The following LRRTM3 variants were observed in gnomAD, a reference collection of about 807,000 sequenced individuals.
LRRTM3 encodes the protein leucine rich repeat transmembrane neuronal 3.
Under a neutral mutation model 44.7 loss-of-function variants are expected in LRRTM3, and 24 were observed. The ratio of observed to expected loss-of-function variants is 0.54; its 90% confidence interval spans 0.39 to 0.76. The LOEUF is 0.76. LRRTM3 is among the 30% of genes least tolerant of loss of function. The pLI is 0.00. For synonymous variants in LRRTM3, 277 were observed against 278.7 expected, an observed-to-expected ratio of 0.99 and a Z score of 0.06; for missense variants, 587 against 702.2, an observed-to-expected ratio of 0.84 and a Z score of 1.85.
intron 2 of LRRTM3, among the ~76,000 whole-genome samples, chr10:67,012,132 C>T (rs1331539894): frequency 6.6e-6 from 1 of 152,206 alleles, no homozygotes; most frequent in Non-Finnish European, 1.5e-5. Flanking sequence ...ACATTCTTAT[C>T]CACTGTGCAG....
At chr10:67,054,832 T>A (rs770353709) in intron 2 of LRRTM3, 1 of 152,086 alleles carries the variant, frequency 6.6e-6, no homozygotes, top group African/African-American at 2.4e-5. Context: ...TTCTTTTAAG[T>A]AGTTGTGAGG....
chr10:66,958,440 C>T (rs1848944531), intron 2 of LRRTM3, among the ~76,000 whole-genome samples: 1 of 135,294 alleles, frequency 7.4e-6, no homozygotes, highest in Non-Finnish European at 1.6e-5. Flanking sequence ...ATAGTTCTGC[C>T]TTTGTAGAAA....
At chr10:66,972,780 G>A (rs1316753026) in intron 2 of LRRTM3, among the ~76,000 whole-genome samples, 1 of 144,180 alleles carries the variant, frequency 6.9e-6, no homozygotes. Flanking sequence ...GTGCAATCTC[G>A]GCTCACTGCA....
At chr10:67,082,907 A>C (rs1170751691) in intron 2 of LRRTM3, among the ~76,000 whole-genome samples, 1 of 152,084 alleles carries the variant, frequency 6.6e-6, no homozygotes, top group Non-Finnish European at 1.5e-5. Flanking sequence ...GAAGCCACCC[A>C]CCTCCTATAT....
chr10:66,927,207 C>T lies in LRRTM3; in HGVS notation c.291C>T (p.Ile97=), dbSNP rs777020539. Residue 97 remains isoleucine, a synonymous_variant, in exon 2 of 3, where the codon ATC becomes ATT. Coordinates refer to ENST00000361320, the MANE Select transcript of LRRTM3 (RefSeq NM_178011.5). The surrounding 1 kb of genome is among the most constrained non-coding windows in gnomAD (Gnocchi z 4.7). The part of the protein sequence containing the change: ...LTWLYLDHNH[I]SNIDENAFNG... ...GGCTATACCTTGACCATAACCATAT[C>T]AGCAATATTGACGAAAATGCTTTTA... 6.2e-7 allele frequency: 1 copy of T among 1,614,148 alleles called. No homozygotes were observed. Among genetic ancestry groups the T allele is most frequent in the Middle Eastern group, 1.6e-4 (1 of 6,062 alleles).
chr10:67,030,512 AAATT>A (rs1446874405), intron 2 of LRRTM3, among the ~76,000 whole-genome samples: 2 of 152,048 alleles, frequency 1.3e-5, no homozygotes, highest in Non-Finnish European at 2.9e-5. Context: ...ATAAATACAT[AAATT>A]AATACTGAAG....
intron 2 of LRRTM3, among the ~76,000 whole-genome samples, chr10:67,056,904 GT>G (rs1229914136): frequency 3.3e-5 from 5 of 152,238 alleles, no homozygotes; most frequent in Non-Finnish European, 7.4e-5. Flanking sequence ...GGATTATGTG[GT>G]GGCCTGAGTG....
chr10:66,968,926 A>G (rs1414422364), intron 2 of LRRTM3, among the ~76,000 whole-genome samples: 1 of 152,066 alleles, frequency 6.6e-6, no homozygotes, highest in African/African-American at 2.4e-5. Flanking sequence ...CTGAGGCAGG[A>G]GAATTGCTTG....
At chr10:66,929,424 CCTGTT>C (rs1194398869) in intron 2 of LRRTM3, among the ~76,000 whole-genome samples, 18 of 152,250 alleles carry the variant, frequency 1.2e-4, no homozygotes, top group African/African-American at 4.3e-4. Context: ...TTAGCTCTGT[CCTGTT>C]CTGTTCAGAA....
intron 2 of LRRTM3, among the ~76,000 whole-genome samples, chr10:66,935,006 A>C (rs1455396953): frequency 1.3e-5 from 2 of 152,118 alleles, no homozygotes; most frequent in Non-Finnish European, 2.9e-5. Flanking sequence ...AGGCTATGCT[A>C]CCTTGAGTGG....
intron 2 of LRRTM3, among the ~76,000 whole-genome samples, chr10:67,055,737 T>C (rs1463000156): frequency 6.6e-6 from 1 of 152,120 alleles, no homozygotes; most frequent in African/African-American, 2.4e-5. Context: ...ACCTCAGAGC[T>C]AACAGTGGGC....
At chr10:67,074,691 CCTT>C (rs1856658131) in intron 2 of LRRTM3, among the ~76,000 whole-genome samples, 2 of 152,102 alleles carry the variant, frequency 1.3e-5, no homozygotes, top group Admixed American at 6.6e-5. Flanking sequence ...GAGAAAATGT[CCTT>C]CTAAGAATAG....
chr10:66,986,666 A>C (rs1850745699), intron 2 of LRRTM3, among the ~76,000 whole-genome samples: 1 of 152,154 alleles, frequency 6.6e-6, no homozygotes, highest in Non-Finnish European at 1.5e-5. Flanking sequence ...ACTATAGTCA[A>C]CTATACCTTG....
chr10:67,040,661 C>G (rs895041469), intron 2 of LRRTM3, among the ~76,000 whole-genome samples: 10 of 151,994 alleles, frequency 6.6e-5, no homozygotes, highest in Admixed American at 2.0e-4. Flanking sequence ...AAGATGATGA[C>G]ACTGATGGTG....
At chr10:67,096,416 A>T (rs1337745784) in intron 2 of LRRTM3, among the ~76,000 whole-genome samples, 2 of 151,778 alleles carry the variant, frequency 1.3e-5, no homozygotes, top group Non-Finnish European at 2.9e-5. Context: ...TTAGCTTTGG[A>T]CTCTAATCTC....
chr10:67,097,655 G>A lies in LRRTM3; in HGVS notation c.1605G>A (p.Val535=). 1 of 1,612,652 alleles carries A rather than the reference G, an allele frequency of 6.2e-7. No homozygotes were observed. Among genetic ancestry groups the A allele is most frequent in the East Asian group, 2.2e-5 (1 of 44,838 alleles). ...YDQPTISYCG[V]HHELLSHKSF... is the part of the protein sequence containing the mutation. ...AGCCCACAATAAGTTACTGTGGGGT[G>A]CATCATGAACTTCTCTCCCATAAGT... is the stretch of plus-strand genomic sequence containing the variant. Residue 535 remains valine, a synonymous_variant, in exon 3 of 3, where the codon GTG becomes GTA. Transcript: ENST00000361320.
chr10:67,097,124 G>T (rs1381836714), intron 2 of LRRTM3, among the ~76,000 whole-genome samples: 1 of 151,704 alleles, frequency 6.6e-6, no homozygotes, highest in East Asian at 1.9e-4. Flanking sequence ...GGGTGGCAGG[G>T]GGTTGACTAG....
intron 2 of LRRTM3, among the ~76,000 whole-genome samples, chr10:67,002,847 A>C (rs1429273561): frequency 6.6e-6 from 1 of 152,176 alleles, no homozygotes; most frequent in East Asian, 1.9e-4. Flanking sequence ...CATATAAATA[A>C]AAAACAATTT....
At chr10:67,064,077 G>GTGC (rs1855919743) in intron 2 of LRRTM3, among the ~76,000 whole-genome samples, 1 of 152,112 alleles carries the variant, frequency 6.6e-6, no homozygotes, top group Non-Finnish European at 1.5e-5. Context: ...TCACTTAATA[G>GTGC]TGCACTTATT....
Sources: allele counts gnomAD v4.1 joint callset (sites outside exome capture counted in the v4.1 genomes callset), GRCh38; gene constraint gnomAD v4.1.1; non-coding constraint Gnocchi (gnomAD v3.1); transcripts MANE v1.5; gene names NCBI Gene and HGNC (gene_info 2026-07-23, HGNC 2026-07-21).